ARHGAP22: variants seen among roughly 807,000 people sequenced by gnomAD.
ARHGAP22 encodes the protein rho GTPase-activating protein 22.
A neutral mutation model predicts 59.1 loss-of-function variants in ARHGAP22; 48 were observed. That is an observed-to-expected ratio of 0.81 (90% CI 0.64 to 1.03). The LOEUF (loss-of-function observed/expected upper bound fraction) is 1.03. ARHGAP22 is among the 50% of genes least tolerant of loss of function. The pLI is 0.00. For synonymous variants in ARHGAP22, 445 were observed against 416.4 expected (o/e 1.07, Z -0.84); for missense variants, 1,015 against 958.7 (o/e 1.06, Z -0.78).
At chr10:48,510,043 C>T (rs1653476483) in intron 3 of ARHGAP22, among the ~76,000 whole-genome samples, 1 of 152,194 alleles carries the variant, frequency 6.6e-6, no homozygotes, top group Admixed American at 6.5e-5. Context: ...CCAGCCACAT[C>T]TAGGTGGCCT....
chr10:48,614,387 G>C (rs1392677970), intron 1 of ARHGAP22, among the ~76,000 whole-genome samples: 4 of 152,166 alleles, frequency 2.6e-5, no homozygotes, highest in Admixed American at 2.0e-4. Flanking sequence ...AACTGAAGTG[G>C]ATTGAAAATG....
chr10:48,567,444 C>T (rs1467187915), intron 2 of ARHGAP22, among the ~76,000 whole-genome samples: 1 of 152,210 alleles, frequency 6.6e-6, no homozygotes, highest in Non-Finnish European at 1.5e-5. Context: ...AGGGAAGCAG[C>T]AGGATTAATG....
At chr10:48,473,345 C>A (rs1190493934) in intron 4 of ARHGAP22, among the ~76,000 whole-genome samples, 2 of 151,884 alleles carry the variant, frequency 1.3e-5, no homozygotes, top group African/African-American at 4.8e-5. Flanking sequence ...AGGGAGAAAG[C>A]CAGAGTTTCA....
In ARHGAP22 at chr10:48,446,276, T is replaced by G. The variant is rs2045341691; in HGVS notation, c.*115A>C. ...GTCCCCACAGAGGTATCAGGATCTCTCTCTCTCCAGCTGGCTCCAGAGCGC... is the reference window on the plus strand; with the variant it reads ...GTCCCCACAGAGGTATCAGGATCTCGCTCTCTCCAGCTGGCTCCAGAGCGC... On this transcript the variant is annotated 3_prime_UTR_variant, in exon 10 of 10. Transcript: ENST00000249601. 2.7e-6 allele frequency: 3 copies of G among 1,116,538 alleles called. No individual in the cohort carries two copies. The highest frequency in any genetic ancestry group is 3.9e-6 in the Non-Finnish European group (3 of 779,110). The allele number at this position is 1,116,538 out of a possible 1,614,324, so 69.2% of individuals were successfully genotyped here.
chr10:48,589,214 C>T (rs947962383), intron 1 of ARHGAP22, among the ~76,000 whole-genome samples: 22 of 152,244 alleles, frequency 1.4e-4, no homozygotes, highest in African/African-American at 5.1e-4. Context: ...TCTCATCCTC[C>T]GATGCCCTGT....
chr10:48,500,477 G>T (rs1437354275), intron 3 of ARHGAP22, among the ~76,000 whole-genome samples: 1 of 152,166 alleles, frequency 6.6e-6, no homozygotes, highest in Non-Finnish European at 1.5e-5. Flanking sequence ...TTTCAAAGGG[G>T]TGAGGACAGG....
At chr10:48,533,140 C>A (rs1589995924) in intron 3 of ARHGAP22, among the ~76,000 whole-genome samples, 2 of 151,684 alleles carry the variant, frequency 1.3e-5, no homozygotes, top group Non-Finnish European at 2.9e-5. Context: ...TCATCAACAG[C>A]ATTGCTGTTG....
At chr10:48,470,922 G>A (rs2048171558) in intron 4 of ARHGAP22, among the ~76,000 whole-genome samples, 1 of 152,160 alleles carries the variant, frequency 6.6e-6, no homozygotes, top group African/African-American at 2.4e-5. Context: ...CTGGCCTGGG[G>A]GTAATCACCT....
intron 3 of ARHGAP22, among the ~76,000 whole-genome samples, chr10:48,555,200 TA>T (rs2057211400): frequency 6.6e-6 from 1 of 152,240 alleles, no homozygotes; most frequent in South Asian, 2.1e-4. Flanking sequence ...TCCCATTGAC[TA>T]ATTTCTTTCC....
intron 1 of ARHGAP22, among the ~76,000 whole-genome samples, chr10:48,639,583 A>T (rs2061959421): frequency 6.6e-6 from 1 of 152,206 alleles, no homozygotes; most frequent in African/African-American, 2.4e-5. Context: ...CAGAAACAAG[A>T]GTGACCCCTA....
intron 3 of ARHGAP22, among the ~76,000 whole-genome samples, chr10:48,531,494 C>T (rs939791994): frequency 2.0e-5 from 3 of 152,164 alleles, no homozygotes; most frequent in African/African-American, 7.2e-5. Flanking sequence ...TAGGCAGTTA[C>T]AGATAGCTGA....
intron 4 of ARHGAP22, among the ~76,000 whole-genome samples, chr10:48,466,278 C>T (rs549070069): frequency 8.3e-5 from 12 of 144,512 alleles, no homozygotes; most frequent in Non-Finnish European, 1.2e-4. Flanking sequence ...CGCCCCCCCC[C>T]AGACTCTAAG....
chr10:48,505,541 C>G (rs74130295), intron 3 of ARHGAP22, among the ~76,000 whole-genome samples: 1 of 152,250 alleles, frequency 6.6e-6, no homozygotes, highest in African/African-American at 2.4e-5. Context: ...CCACCGAGCC[C>G]CATCCCCAAT....
At chr10:48,457,016 G>A (rs910958615) in intron 5 of ARHGAP22, among the ~76,000 whole-genome samples, 1 of 152,110 alleles carries the variant, frequency 6.6e-6, no homozygotes, top group African/African-American at 2.4e-5. Context: ...TAGCGCAGGC[G>A]GAGGGTGGGG....
At chr10:48,610,674 G>A (rs571312919) in intron 1 of ARHGAP22, among the ~76,000 whole-genome samples, 1 of 152,316 alleles carries the variant, frequency 6.6e-6, no homozygotes, top group African/African-American at 2.4e-5. Flanking sequence ...GAGGGAAGCA[G>A]GGATGGGGAG....
intron 5 of ARHGAP22, among the ~76,000 whole-genome samples, chr10:48,459,317 G>A (rs879754954): frequency 7.3e-5 from 11 of 150,582 alleles, no homozygotes; most frequent in African/African-American, 1.2e-4. Context: ...GTAGGTCACC[G>A]GAGGAAGCAC....
intron 4 of ARHGAP22, among the ~76,000 whole-genome samples, chr10:48,462,356 A>T (rs74130283): frequency 1.3e-3 from 192 of 151,974 alleles, no homozygotes; most frequent in African/African-American, 4.6e-3. Context: ...ATTTAATCCT[A>T]CCCATCTGAT....
At chr10:48,553,229 C>T (rs1465256480) in intron 3 of ARHGAP22, among the ~76,000 whole-genome samples, 1 of 152,252 alleles carries the variant, frequency 6.6e-6, no homozygotes, top group Non-Finnish European at 1.5e-5. Context: ...CACCGCCCAC[C>T]ACCCGTCCCG....
intron 1 of ARHGAP22, among the ~76,000 whole-genome samples, chr10:48,601,525 G>C (rs1273590216): frequency 6.6e-6 from 1 of 152,014 alleles, no homozygotes; most frequent in Non-Finnish European, 1.5e-5. Context: ...TTCCTTTTAA[G>C]TGTTATTTAT....
Sources: gnomAD v4.1 joint callset for allele counts (sites outside exome capture counted in the v4.1 genomes callset) on GRCh38, gnomAD v4.1.1 for gene constraint, MANE v1.5 for transcripts, NCBI Gene and HGNC (gene_info 2026-07-23, HGNC 2026-07-21) for gene names.